AHRR: variants seen among roughly 807,000 people sequenced by gnomAD.
AHRR encodes the protein ahR repressor.
In AHRR, 28 loss-of-function variants were observed where a neutral mutation model predicts 44.0. The ratio of observed to expected loss-of-function variants is 0.64; its 90% CI spans 0.47 to 0.87. The LOEUF (loss-of-function observed/expected upper bound fraction) is 0.87, where lower values mean the gene tolerates loss of function less well. AHRR is among the 40% of genes least tolerant of loss of function. The pLI, the probability that AHRR is intolerant of heterozygous loss-of-function variation, is 0.00. For synonymous variants in AHRR, 434 were observed against 407.0 expected, an observed-to-expected ratio of 1.07 and a Z score of -0.80; for missense variants, 990 against 953.9, an observed-to-expected ratio of 1.04 and a Z score of -0.50.
chr5:413,760 C>T (rs1417428500), intron 5 of AHRR, among the ~76,000 whole-genome samples: 1 of 152,212 alleles, frequency 6.6e-6, no homozygotes. Flanking sequence ...TTCAGCCGCT[C>T]CCAGGCAACG....
chr5:343,715 G>A lies in AHRR; in HGVS notation c.-10-178G>A, dbSNP rs558057723. The A allele has an allele frequency of 7.8e-4, 455 of 586,104 alleles. 5 individuals are homozygous for A. In the South Asian group the frequency reaches 9.4e-3, roughly 12 times the overall value. 36.3% of individuals were successfully genotyped at this position (586,104 alleles called of 1,614,324 possible). On this transcript the variant is annotated intron_variant, in intron 1 of 10. Transcript: ENST00000684583. ...CGGCCCCGGTGGCTCCTCGGTGCGG[G>A]GTGCTGGAGAGCAGGGGTCCCGGGC...
chr5:386,814 C>T (rs1014664143), intron 4 of AHRR, among the ~76,000 whole-genome samples: 3 of 151,538 alleles, frequency 2.0e-5, no homozygotes, highest in Non-Finnish European at 2.9e-5. Context: ...CTGGAACTAA[C>T]CCAGACTTCA....
At chr5:389,399 A>G (rs1176111429) in intron 4 of AHRR, among the ~76,000 whole-genome samples, 1 of 152,244 alleles carries the variant, frequency 6.6e-6, no homozygotes, top group Non-Finnish European at 1.5e-5. Context: ...CTCGGATCAC[A>G]TTCTCAAAGT....
chr5:348,269 G>C (rs530066034), intron 2 of AHRR, among the ~76,000 whole-genome samples: 2 of 152,072 alleles, frequency 1.3e-5, no homozygotes, highest in East Asian at 1.9e-4. Flanking sequence ...ATTCCCCGGA[G>C]TCCTCAGCAG....
At chr5:397,007 CG>C (rs1289646998) in intron 4 of AHRR, among the ~76,000 whole-genome samples, 20 of 143,930 alleles carry the variant, frequency 1.4e-4, no homozygotes, top group African/African-American at 5.2e-4. Context: ...TGACCATCCA[CG>C]TTAGCCCCTG....
Position 370,210 on chromosome 5 carries a change from G to A in AHRR, c.245-6400G>A, listed in dbSNP as rs112783378. Among the ~76,000 whole-genome samples, 2 of 147,238 alleles carry A rather than the reference G, an allele frequency of 1.4e-5. No individual in the cohort carries two copies. Among genetic ancestry groups the A allele is most frequent in the South Asian group, 2.2e-4 (1 of 4,582 alleles). ...GCCCTCGCTGGTGCCCCGTCCTCCC[G>A]GGCCCTCGCTGGAAGCCCCGTCCTC... is the stretch of plus-strand genomic sequence containing the variant. On this transcript the variant is annotated intron_variant, in intron 3 of 10. Transcript: ENST00000684583. The surrounding 1 kb of genome is among the most constrained non-coding windows in gnomAD (Gnocchi z 4.5).
At chr5:403,798 G>T in intron 4 of AHRR, 1 of 1,537,350 alleles carries the variant, frequency 6.5e-7, no homozygotes, top group Non-Finnish European at 9.0e-7. Flanking sequence ...TCTTTCCTGG[G>T]TCTCTTGAGT....
At chr5:420,946 A>G (rs1736077721) in intron 5 of AHRR, 4 of 169,386 alleles carry the variant, frequency 2.4e-5, no homozygotes, top group Middle Eastern at 1.8e-3. Flanking sequence ...CCACCCACAC[A>G]GGCGCACATA....
intron 1 of AHRR, among the ~76,000 whole-genome samples, chr5:339,295 A>G (rs73041269): frequency 0.098 from 14,947 of 152,046 alleles, 2,379 homozygotes; most frequent in African/African-American, 0.33. Flanking sequence ...TTTTAAAAGT[A>G]TGTTTTGTAG....
chr5:401,286 G>C (rs1433344336), intron 4 of AHRR, among the ~76,000 whole-genome samples: 1 of 152,166 alleles, frequency 6.6e-6, no homozygotes, highest in Non-Finnish European at 1.5e-5. Context: ...GGTAGTTTGG[G>C]TCCCCTAGTT....
chr5:415,407 G>GGCTGGGAGGCCTAGGGGCCGAATCTGCCT (rs1735705250), intron 5 of AHRR, among the ~76,000 whole-genome samples: 1 of 89,778 alleles, frequency 1.1e-5, no homozygotes, highest in Non-Finnish European at 2.6e-5. Flanking sequence ...CTGCCTGGTC[G>GGCTGGGAGGCCTAGGGGCCGAATCTGCCT]GGTGGGAGGC....
chr5:399,588 C>T (rs536862906), intron 4 of AHRR, among the ~76,000 whole-genome samples: 11 of 152,312 alleles, frequency 7.2e-5, no homozygotes, highest in Admixed American at 1.3e-4. Context: ...TCACTGTTGC[C>T]GTCCCATCTT....
intron 2 of AHRR, among the ~76,000 whole-genome samples, chr5:345,803 TG>T (rs1472810990): frequency 6.6e-6 from 1 of 152,026 alleles, no homozygotes; most frequent in African/African-American, 2.4e-5. Flanking sequence ...CAGGAGGAGC[TG>T]GGGCTGGGAA....
rs1243666209 is a variant in AHRR at position 435,905 on chromosome 5, A to G, written c.*1071A>G. The G allele has an allele frequency of 6.5e-6, 1 of 152,822 alleles. No individual in the cohort carries two copies. Among genetic ancestry groups the G allele is most frequent in the African/African-American group, 2.4e-5 (1 of 41,472 alleles). 9.5% of individuals were successfully genotyped at this position (152,822 alleles called of 1,614,324 possible). ...TACAAAAGCATAAGTCAGAAAGTGAAGGTCACCAATCCACCAACCCGAGAA... is the reference window on the plus strand; with the variant it reads ...TACAAAAGCATAAGTCAGAAAGTGAGGGTCACCAATCCACCAACCCGAGAA... On this transcript the variant is annotated 3_prime_UTR_variant, in exon 11 of 11. Transcript: ENST00000684583.
chr5:433,447 A>G (rs1736833607), intron 10 of AHRR, among the ~76,000 whole-genome samples: 1 of 152,232 alleles, frequency 6.6e-6, no homozygotes, highest in African/African-American at 2.4e-5. Context: ...CCTGTTGGTC[A>G]GCAGCAGAGC....
chr5:408,692 C>T (rs560294466), intron 4 of AHRR, among the ~76,000 whole-genome samples: 4 of 152,214 alleles, frequency 2.6e-5, no homozygotes, highest in African/African-American at 9.6e-5. Context: ...CAATGTTATA[C>T]TTCTTAAAAA....
chr5:328,255 A>ATTTTTT lies in AHRR; in HGVS notation c.-11+6461_-11+6466dup, dbSNP rs70955232. Among the ~76,000 whole-genome samples the ATTTTTT allele has an allele frequency of 3.7e-3, 200 of 54,282 alleles. 36 individuals are homozygous for ATTTTTT. Among genetic ancestry groups the ATTTTTT allele is most frequent in the African/African-American group, 1.0e-2 (168 of 16,814 alleles). The allele number at this position is 54,282 out of a possible 152,430, so 35.6% of individuals were successfully genotyped here. A position where few individuals can be genotyped will look rare whatever the true frequency, so the allele number is the denominator to read the frequency against. On this transcript the variant is annotated intron_variant, in intron 1 of 10. Coordinates refer to ENST00000684583, the MANE Select transcript of AHRR (RefSeq NM_001377236.1). ...TTCTCTGCATCCTCACCAACATCTG[A>ATTTTTT]TTTTTTTTTTTTTTTTTTTTTTTTT...
chr5:404,018 T>C lies in AHRR; in HGVS notation c.352-9326T>C, dbSNP rs1251262101. 4 of 848,576 alleles carry C rather than the reference T, an allele frequency of 4.7e-6. No individual in the cohort carries two copies. Among genetic ancestry groups the C allele is most frequent in the Non-Finnish European group, 8.0e-6 (4 of 500,814 alleles). 52.6% of individuals were successfully genotyped at this position (848,576 alleles called of 1,614,324 possible). A position where few individuals can be genotyped will look rare whatever the true frequency, so the allele number is the denominator to read the frequency against. On this transcript the variant is annotated intron_variant, in intron 4 of 10. Coordinates refer to ENST00000684583, the MANE Select transcript of AHRR (RefSeq NM_001377236.1). This position sits in a 1 kb window ranked among gnomAD's most constrained non-coding sequence, Gnocchi z 4.1. Reference sequence around the variant, plus strand: ...GTAATTCGAACTTGGTGTTTTTTCTTAATCCACGGCTGAATCTGTTTAGTC... The same window carrying C: ...GTAATTCGAACTTGGTGTTTTTTCTCAATCCACGGCTGAATCTGTTTAGTC...
intron 1 of AHRR, among the ~76,000 whole-genome samples, chr5:339,979 A>G (rs2126350016): frequency 6.6e-6 from 1 of 152,216 alleles, no homozygotes; most frequent in Non-Finnish European, 1.5e-5. Flanking sequence ...TTTTGTGTCT[A>G]TGTTCATGTG....
Sources: allele counts gnomAD v4.1 joint callset (sites outside exome capture counted in the v4.1 genomes callset), GRCh38; gene constraint gnomAD v4.1.1; non-coding constraint Gnocchi (gnomAD v3.1); transcripts MANE v1.5; gene names NCBI Gene and HGNC (gene_info 2026-07-23, HGNC 2026-07-21).